CREB3L2: variants seen among roughly 807,000 people sequenced by gnomAD.
CREB3L2 encodes the protein cyclic AMP-responsive element-binding protein 3-like protein 2.
A neutral mutation model predicts 57.2 loss-of-function variants in CREB3L2; 23 were observed. The observed-to-expected ratio is 0.40, with a 90% CI of 0.29 to 0.57. CREB3L2 has a LOEUF of 0.57. Ranked by LOEUF, CREB3L2 falls within the 20% of genes least tolerant of loss-of-function variation. CREB3L2 has a pLI of 0.42. For missense variants in CREB3L2, 628 were observed against 634.7 expected (o/e 0.99, Z 0.11); for synonymous variants, 268 against 265.1 (o/e 1.01, Z -0.11).
chr7:137,968,207 T>A (rs1801441377), intron 1 of CREB3L2, among the ~76,000 whole-genome samples: 1 of 150,760 alleles, frequency 6.6e-6, no homozygotes, highest in Admixed American at 6.6e-5. Context: ...AGCTAGCTAC[T>A]CTTTTTTTTT....
intron 1 of CREB3L2, among the ~76,000 whole-genome samples, chr7:138,000,346 CAT>C (rs1182202093): frequency 6.6e-6 from 1 of 152,222 alleles, no homozygotes. Flanking sequence ...GTGCTGCCCA[CAT>C]AGTGTCCCCA....
chr7:137,994,809 C>T (rs540358468), intron 1 of CREB3L2, among the ~76,000 whole-genome samples: 2 of 152,246 alleles, frequency 1.3e-5, no homozygotes, highest in East Asian at 1.9e-4. Flanking sequence ...AAGAACTCTG[C>T]GAGTGGCACA....
Position 137,947,024 on chromosome 7 carries a change from A to AGT in CREB3L2, c.103-18659_103-18658insAC, listed in dbSNP as rs1223211935. ...GTTATATATATATAGTTATATATAT[A>AGT]TATATAGTTCAATCCATAGACTGAA... On this transcript the variant is annotated intron_variant, in intron 1 of 11. Coordinates refer to ENST00000330387, the MANE Select transcript of CREB3L2 (RefSeq NM_194071.4). 4.4e-4 allele frequency among the ~76,000 whole-genome samples: 60 copies of AGT among 136,888 alleles called. 1 individual carries two copies. Among genetic ancestry groups the AGT allele is most frequent in the African/African-American group, 1.2e-3 (40 of 34,272 alleles). The allele number at this position is 136,888 out of a possible 152,430, so 89.8% of individuals were successfully genotyped here. A position where few individuals can be genotyped will look rare whatever the true frequency, so the allele number is the denominator to read the frequency against.
At chr7:137,960,809 C>CTTTTTTTTTTT (rs66493086) in intron 1 of CREB3L2, among the ~76,000 whole-genome samples, 23 of 95,574 alleles carry the variant, frequency 2.4e-4, no homozygotes, top group Admixed American at 4.5e-4. Context: ...TAAATTATTT[C>CTTTTTTTTTTT]TTTTTTTTTT....
rs549904421 is a variant in CREB3L2, at chr7:137,924,668, T to A, written c.319+3482A>T. Among the ~76,000 whole-genome samples, 436 of 152,316 alleles carry A rather than the reference T, an allele frequency of 2.9e-3. 1 individual carries two copies. The highest frequency in any genetic ancestry group is 0.01 in the African/African-American group (425 of 41,564). On this transcript the variant is annotated intron_variant, in intron 2 of 11. Transcript: ENST00000330387. ...TCCTTTTTTTTTGGTGTTTTCTTGTTGTTGTTGCCTTTTTTGTAGAACAGA... is the reference window on the plus strand; with the variant it reads ...TCCTTTTTTTTTGGTGTTTTCTTGTAGTTGTTGCCTTTTTTGTAGAACAGA...
In CREB3L2 at chr7:137,881,336, G is replaced by A. The variant is rs138063580; in HGVS notation, c.1488-785C>T. On this transcript the variant is annotated intron_variant, in intron 11 of 11. Coordinates refer to ENST00000330387, the MANE Select transcript of CREB3L2 (RefSeq NM_194071.4). ...AATGCTCCAAAATCTAGAAATTTCCGAGCATTGACATGACGCTCAAAGGAA... is the reference window on the plus strand; with the variant it reads ...AATGCTCCAAAATCTAGAAATTTCCAAGCATTGACATGACGCTCAAAGGAA... 1.4e-3 allele frequency among the ~76,000 whole-genome samples: 217 copies of A among 152,228 alleles called. No individual in the cohort carries two copies. The Middle Eastern group carries it at 0.017, about 12-fold the overall frequency.
rs1802083362 is a variant in CREB3L2 at position 138,001,814 on chromosome 7, G to A, written c.-109C>T. 2 of 727,786 alleles carry A rather than the reference G, an allele frequency of 2.7e-6. No individual in the cohort carries two copies. Among genetic ancestry groups the A allele is most frequent in the Admixed American group, 3.5e-5 (1 of 28,392 alleles). The allele number at this position is 727,786 out of a possible 1,614,324, so 45.1% of individuals were successfully genotyped here. ...TCTCCGCGTGTGCTTGCGTGTGTGC[G>A]CGCGCGTGTCTGTAGTTTTGCACTT... On this transcript the variant is annotated 5_prime_UTR_variant, in exon 1 of 12. Coordinates refer to ENST00000330387, the MANE Select transcript of CREB3L2 (RefSeq NM_194071.4). The surrounding 1 kb of genome is among the most constrained non-coding windows in gnomAD (Gnocchi z 4.2).
chr7:137,935,580 C>G (rs142256235), intron 1 of CREB3L2, among the ~76,000 whole-genome samples: 1 of 152,280 alleles, frequency 6.6e-6, no homozygotes, highest in African/African-American at 2.4e-5. Context: ...GCCTTCCAAA[C>G]TCTATGGCCC....
At chr7:138,000,360 G>C (rs1281883908) in intron 1 of CREB3L2, among the ~76,000 whole-genome samples, 1 of 152,138 alleles carries the variant, frequency 6.6e-6, no homozygotes, top group Non-Finnish European at 1.5e-5. Flanking sequence ...GTGTCCCCAT[G>C]ACAAGCTCAG....
rs544876965 is a variant in CREB3L2 at position 137,878,311 on chromosome 7, TTC to T, written c.*2163_*2164del. ...TGCAGCAGGTACATGGGTTGGCTCA[TTC>T]TCTCACTTCTGCCCCTAAATTTGAA... On this transcript the variant is annotated 3_prime_UTR_variant, in exon 12 of 12. Transcript: ENST00000330387. 2.6e-4 allele frequency: 60 copies of T among 233,028 alleles called. No homozygotes were observed. The highest frequency in any genetic ancestry group is 1.2e-3 in the African/African-American group (56 of 45,478). 14.4% of individuals were successfully genotyped at this position (233,028 alleles called of 1,614,324 possible). A position where few individuals can be genotyped will look rare whatever the true frequency, so the allele number is the denominator to read the frequency against.
In CREB3L2 at chr7:137,880,866, C is replaced by T. The variant is rs1585584650; in HGVS notation, c.1488-315G>A. Among the ~76,000 whole-genome samples, 1 of 152,096 alleles carries T rather than the reference C, an allele frequency of 6.6e-6. No individual in the cohort carries two copies. The highest frequency in any genetic ancestry group is 2.1e-4 in the South Asian group (1 of 4,828). On this transcript the variant is annotated intron_variant, in intron 11 of 11. Transcript: ENST00000330387. The surrounding 1 kb of genome is among the most constrained non-coding windows in gnomAD (Gnocchi z 4.0). ...TTCTATTTACTTAGGATGTTTAGCC[C>T]TATGCTAAACTCAGGGAAGGAGAAA...
intron 1 of CREB3L2, chr7:137,955,214 T>C: frequency 8.7e-7 from 1 of 1,151,184 alleles, no homozygotes; most frequent in South Asian, 1.3e-5. Flanking sequence ...CCCATTTCCA[T>C]CTTCAATGAG....
chr7:137,949,665 G>A (rs1801060226), intron 1 of CREB3L2, among the ~76,000 whole-genome samples: 1 of 151,914 alleles, frequency 6.6e-6, no homozygotes, highest in East Asian at 1.9e-4. Flanking sequence ...CCCCAATCAA[G>A]ATTAGAAAAA....
intron 1 of CREB3L2, among the ~76,000 whole-genome samples, chr7:137,988,694 A>G (rs551501733): frequency 6.6e-6 from 1 of 152,278 alleles, no homozygotes; most frequent in Non-Finnish European, 1.5e-5. Context: ...AAAACTAAGA[A>G]CTGCAAATGA....
chr7:137,967,556 C>T (rs971442180), intron 1 of CREB3L2, among the ~76,000 whole-genome samples: 2 of 152,210 alleles, frequency 1.3e-5, no homozygotes, highest in South Asian at 4.1e-4. Flanking sequence ...TAACCCAAAA[C>T]AAGAGATACT....
chr7:137,882,925 T>C (rs1799330263), intron 10 of CREB3L2, among the ~76,000 whole-genome samples: 2 of 151,856 alleles, frequency 1.3e-5, no homozygotes, highest in South Asian at 4.1e-4. Context: ...TTACCACCCA[T>C]AACCATCTAG....
At chr7:137,951,508 T>C (rs1801097694) in intron 1 of CREB3L2, among the ~76,000 whole-genome samples, 1 of 152,244 alleles carries the variant, frequency 6.6e-6, no homozygotes, top group Non-Finnish European at 1.5e-5. Flanking sequence ...ATTTGCTAGT[T>C]CAGTGTTCAC....
chr7:137,954,138 G>A lies in CREB3L2; in HGVS notation c.103-25772C>T, dbSNP rs192806003. ...TCCTGCCCTTTGACCTTGAGATACA[G>A]GTTGTACCTGTCCTGTCTACGCATG... On this transcript the variant is annotated intron_variant, in intron 1 of 11. Coordinates refer to ENST00000330387, the MANE Select transcript of CREB3L2 (RefSeq NM_194071.4). Among the ~76,000 whole-genome samples, 16 of 152,252 alleles carry A rather than the reference G, an allele frequency of 1.1e-4. No homozygotes were observed. The East Asian group carries it at 2.5e-3, about 24-fold the overall frequency.
intron 1 of CREB3L2, among the ~76,000 whole-genome samples, chr7:137,942,145 T>C (rs17275464): frequency 0.027 from 4,140 of 152,348 alleles, 79 homozygotes; most frequent in Non-Finnish European, 0.038. Context: ...TAAGCTTCTT[T>C]AGTGTCCTTT....
Sources: gnomAD v4.1 joint callset for allele counts (sites outside exome capture counted in the v4.1 genomes callset) on GRCh38, gnomAD v4.1.1 for gene constraint, Gnocchi (gnomAD v3.1) non-coding constraint, MANE v1.5 for transcripts, NCBI Gene and HGNC (gene_info 2026-07-23, HGNC 2026-07-21) for gene names.